The following EGFL6 variants were observed in gnomAD, a reference collection of about 807,000 sequenced individuals.
EGFL6 encodes EGF like domain multiple 6.
EGFL6 carries 42 observed loss-of-function variants against 43.1 expected under a neutral mutation model. The ratio of observed to expected loss-of-function variants is 0.98; its 90% CI spans 0.76 to 1.26. The LOEUF is 1.26. Ranked by LOEUF, EGFL6 falls within the 50% of genes most tolerant of loss-of-function variation. The pLI is 0.00. For missense variants in EGFL6, 429 were observed against 427.8 expected, an observed-to-expected ratio of 1.00 and a Z score of -0.02; for synonymous variants, 164 against 163.2, an observed-to-expected ratio of 1.01 and a Z score of -0.04.
intron 7 of EGFL6, among the ~76,000 whole-genome samples, chrX:13,613,972 G>T (rs2045705803): frequency 9.0e-6 from 1 of 111,680 alleles, no homozygotes; most frequent in East Asian, 2.8e-4. Flanking sequence ...CTCTGGAAAA[G>T]ATTTTAAACA....
intron 11 of EGFL6, among the ~76,000 whole-genome samples, chrX:13,628,123 G>A (rs143204695): frequency 5.7e-4 from 63 of 111,033 alleles, no homozygotes; most frequent in African/African-American, 1.7e-3. Context: ...ATGGCCCAAG[G>A]CCTCAGGTAA....
intron 1 of EGFL6, among the ~76,000 whole-genome samples, chrX:13,584,140 T>C (rs2045522333): frequency 1.8e-5 from 2 of 111,970 alleles, no homozygotes; most frequent in African/African-American, 3.2e-5. Context: ...AGCTAAGGCA[T>C]AGAAAGACAA....
chrX:13,593,341 G>A lies in EGFL6; in HGVS notation c.188-1495G>A, dbSNP rs1424480963. Among the ~76,000 whole-genome samples, 2 of 111,973 alleles carry A rather than the reference G, an allele frequency of 1.8e-5. 1 individual carries two copies. Among genetic ancestry groups the A allele is most frequent in the African/African-American group, 6.5e-5 (2 of 30,786 alleles). ...TATGCTTTTGGACTATTAGTTTAAT[G>A]TCGTGTCTGACATAAAGTTTGCTAG... is the stretch of plus-strand genomic sequence containing the variant. On this transcript the variant is annotated intron_variant, in intron 2 of 11. Transcript: ENST00000361306.
intron 6 of EGFL6, among the ~76,000 whole-genome samples, chrX:13,607,639 C>A (rs887434048): frequency 1.8e-5 from 2 of 112,086 alleles, no homozygotes; most frequent in Non-Finnish European, 3.8e-5. Context: ...GGGTGGAATT[C>A]ACATGGAAAG....
rs753624254 is a variant in EGFL6 at position 13,627,035 on chromosome X, C to T, written c.1310C>T (p.Pro437Leu). 7.5e-4 allele frequency: 913 copies of T among 1,210,547 alleles called. 4 individuals carry two copies. In the South Asian group the frequency reaches 0.015, roughly 20 times the overall value. ...GCTATTGGCTTCTATATGGCAGTTC[C>T]GGCCTTGGCAGGTCACAAGAAAGAC... ...DNAIGFYMAV[P>L]ALAGHKKDIG... Residue 437 changes from proline (P) to leucine (L), a missense_variant, in exon 11 of 12, where the codon CCG becomes CTG. By Grantham distance (98) the Pro-to-Leu change is moderately conservative (BLOSUM62 -3). Coordinates refer to ENST00000361306, the MANE Select transcript of EGFL6 (RefSeq NM_015507.4).
At chrX:13,579,824 G>A (rs1348185215) in intron 1 of EGFL6, among the ~76,000 whole-genome samples, 4 of 110,696 alleles carry the variant, frequency 3.6e-5, no homozygotes, top group African/African-American at 6.6e-5. Flanking sequence ...CCAAGACGGC[G>A]TACTCACATG....
chrX:13,611,019 A>G (rs2045686323), intron 7 of EGFL6, among the ~76,000 whole-genome samples: 1 of 111,198 alleles, frequency 9.0e-6, no homozygotes, highest in South Asian at 3.8e-4. Flanking sequence ...TGTCCCCAGC[A>G]GGACTGAGCC....
intron 1 of EGFL6, among the ~76,000 whole-genome samples, chrX:13,582,161 C>T (rs1388263264): frequency 3.7e-5 from 4 of 109,010 alleles, no homozygotes; most frequent in Non-Finnish European, 5.7e-5. Context: ...CTCCCGGGTT[C>T]ACGCCATTCT....
intron 7 of EGFL6, among the ~76,000 whole-genome samples, chrX:13,613,549 T>G (rs1463883293): frequency 9.0e-6 from 1 of 111,609 alleles, no homozygotes; most frequent in Non-Finnish European, 1.9e-5. Context: ...GCTAGCCTAC[T>G]ACCTGTGGAG....
chrX:13,588,779 T>A (rs1569203018), intron 1 of EGFL6, among the ~76,000 whole-genome samples: 1 of 112,274 alleles, frequency 8.9e-6, no homozygotes, highest in Non-Finnish European at 1.9e-5. Context: ...CTATTCAAAT[T>A]ACAGTGTCCA....
chrX:13,594,620 GT>G (rs1381699861), intron 2 of EGFL6, among the ~76,000 whole-genome samples: 5 of 111,431 alleles, frequency 4.5e-5, no homozygotes, highest in African/African-American at 1.3e-4. Context: ...AATCTTTTGT[GT>G]TTGCATGCAA....
rs770461078 is a variant in EGFL6 at position 13,618,696 on chromosome X, A to G, written c.1103-467A>G. On this transcript the variant is annotated intron_variant, in intron 8 of 11. Transcript: ENST00000361306. Reference sequence around the variant, plus strand: ...TGCATCTCTACACTGAGACTTTCCCATTCATTCTGGCTGGGCATTTGTTGC... The same window carrying G: ...TGCATCTCTACACTGAGACTTTCCCGTTCATTCTGGCTGGGCATTTGTTGC... Among the ~76,000 whole-genome samples the G allele has an allele frequency of 7.2e-5, 8 of 110,773 alleles. No individual in the cohort carries two copies. The South Asian group carries it at 3.0e-3, about 42-fold the overall frequency.
chrX:13,574,508 C>A (rs981782601), intron 1 of EGFL6, among the ~76,000 whole-genome samples: 1 of 111,706 alleles, frequency 9.0e-6, no homozygotes, highest in Non-Finnish European at 1.9e-5. Context: ...TATGTTGAAG[C>A]CCTAACCCCA....
intron 7 of EGFL6, among the ~76,000 whole-genome samples, chrX:13,614,750 T>TA (rs1491523819): frequency 1.1e-4 from 8 of 74,898 alleles, no homozygotes; most frequent in African/African-American, 3.0e-4. Context: ...TCCCTCCATA[T>TA]TTTTTTTTTT....
chrX:13,595,753 T>G (rs1182160497), intron 3 of EGFL6, among the ~76,000 whole-genome samples: 2 of 107,136 alleles, frequency 1.9e-5, no homozygotes, highest in Admixed American at 1.0e-4. Flanking sequence ...AGAGTCTCGC[T>G]CTGTCACCCA....
At chrX:13,609,653 C>T in intron 7 of EGFL6, among the ~76,000 whole-genome samples, 1 of 111,274 alleles carries the variant, frequency 9.0e-6, no homozygotes, top group Middle Eastern at 4.6e-3. Context: ...ACTCAGGAGG[C>T]TGAGGCACAA....
At position 13,623,782 on chromosome X, in the gene EGFL6, A is replaced by G. The variant is rs1602659444; in HGVS notation, c.1184-42A>G. ...GCCCCAAATGTTAGACACCTTCCTA[A>G]TGCTTTTAGGGGTTATGAAATATGT... On this transcript the variant is annotated intron_variant, in intron 9 of 11. Transcript: ENST00000361306. 2.7e-6 allele frequency: 3 copies of G among 1,094,252 alleles called. No homozygotes were observed. The East Asian group carries it at 9.0e-5, about 33-fold the overall frequency. The allele number at this position is 1,094,252 out of a possible 1,213,427, so 90.2% of individuals were successfully genotyped here.
Position 13,612,049 on chromosome X carries a change from TA to T in EGFL6, c.778+3606del, listed in dbSNP as rs367805189. Among the ~76,000 whole-genome samples, 465 of 110,909 alleles carry T rather than the reference TA, an allele frequency of 4.2e-3. 1 individual carries two copies. The highest frequency in any genetic ancestry group is 0.023 in the South Asian group (60 of 2,573). On this transcript the variant is annotated intron_variant, in intron 7 of 11. Coordinates refer to ENST00000361306, the MANE Select transcript of EGFL6 (RefSeq NM_015507.4). ...CCTCAAAATCCACTCTTTTTTTTTT[TA>T]AATTTTTTTAGTATTTATTGATCAT...
intron 9 of EGFL6, among the ~76,000 whole-genome samples, chrX:13,623,314 A>T (rs1602659043): frequency 9.8e-6 from 1 of 101,744 alleles, no homozygotes; most frequent in South Asian, 4.8e-4. Flanking sequence ...CTCTTTGTGC[A>T]TGGGGTTCTC....
Sources: allele counts gnomAD v4.1 joint callset (sites outside exome capture counted in the v4.1 genomes callset), GRCh38; gene constraint gnomAD v4.1.1; transcripts MANE v1.5; gene names NCBI Gene and HGNC (gene_info 2026-07-23, HGNC 2026-07-21).